Variants in MYO1C observed in about 807,000 individuals in gnomAD.
MYO1C encodes the protein unconventional myosin-Ic.
MYO1C carries 104 observed loss-of-function variants against 150.8 expected under a neutral mutation model. That is an observed-to-expected ratio of 0.69 (90% CI 0.59 to 0.81). The LOEUF (loss-of-function observed/expected upper bound fraction) is 0.81, where lower values mean the gene tolerates loss of function less well. Among genes scored for constraint, MYO1C ranks in the 30% least tolerant of loss-of-function variants. MYO1C has a pLI of 0.00. For missense variants in MYO1C, 1,504 were observed against 1,435.0 expected (o/e 1.05, Z -0.78); for synonymous variants, 663 against 579.9 (o/e 1.14, Z -2.06).
chr17:1,474,779 A>ACCCCCCCCC, intron 16 of MYO1C, 33 bp downstream of exon 16: 49 of 969,012 alleles, frequency 5.1e-5, no homozygotes, highest in Non-Finnish European at 7.6e-5. Flanking sequence ...GGCTATCCCC[A>ACCCCCCCCC]CCCCCACCCC....
At chr17:1,480,144 C>CAAAA (rs34326248) in intron 7 of MYO1C, among the ~76,000 whole-genome samples, 81 of 42,638 alleles carry the variant, frequency 1.9e-3, no homozygotes, top group African/African-American at 5.5e-3. Flanking sequence ...GACTCCATCT[C>CAAAA]AAAAAAAAAA....
At chr17:1,467,949 A>C in intron 28 of MYO1C, 39 bp from the exon 29 acceptor site, 1 of 1,612,776 alleles carries the variant, frequency 6.2e-7, no homozygotes, top group Non-Finnish European at 8.5e-7. Context: ...CGAGGGTCAG[A>C]GCAGGGCCCT....
intron 1 of MYO1C, chr17:1,491,753 C>T (rs1464067210): frequency 1.7e-6 from 1 of 596,440 alleles, no homozygotes; most frequent in African/African-American, 2.0e-5. Flanking sequence ...CCTCCGGCCC[C>T]GCCCCGCCCC....
At chr17:1,476,182 C>CTT (rs562917604) in intron 14 of MYO1C, among the ~76,000 whole-genome samples, 1,455 of 144,160 alleles carry the variant, frequency 0.01, 28 homozygotes, top group African/African-American at 0.034. Flanking sequence ...AGAAACAAGT[C>CTT]TTTTTTTTTT....
Position 1,478,824 on chromosome 17 carries a change from C to T in MYO1C, c.1093-89G>A. On this transcript the variant is annotated intron_variant, in intron 9 of 31. Transcript: ENST00000648651. The surrounding 1 kb of genome is among the most constrained non-coding windows in gnomAD (Gnocchi z 6.3). ...AGGCTCAGGCAGACCAGGAAGCCGC[C>T]ACCACTCTGCACTCCCAGCTCCAGC... The T allele has an allele frequency of 6.3e-7, 1 of 1,578,074 alleles. No homozygotes were observed. The highest frequency in any genetic ancestry group is 8.6e-7 in the Non-Finnish European group (1 of 1,163,804).
chr17:1,481,327 A>G, intron 5 of MYO1C: 1 of 216,894 alleles, frequency 4.6e-6, no homozygotes, highest in Non-Finnish European at 9.4e-6. Flanking sequence ...AACCTTTAAA[A>G]CATCCAGAAT....
chr17:1,484,264 C>T lies in MYO1C; in HGVS notation c.115G>A (p.Ala39Thr), dbSNP rs1402056312. Residue 39 changes from alanine to threonine, a missense_variant, in exon 2 of 32, where the codon GCG becomes ACG. Physicochemically the swap from Ala to Thr is moderately conservative, Grantham distance 58. Transcript: ENST00000648651. ...CCCACCCGGTCACGGGCGGTGAGCG[C>T]ACTCTCCATGGTCACCCGAACCCCG... is the stretch of plus-strand genomic sequence containing the variant. ...SDGVRVTMES[A>T]LTARDRVGVQ... 6.2e-7 allele frequency: 1 copy of T among 1,612,154 alleles called. No homozygotes were observed. Among genetic ancestry groups the T allele is most frequent in the East Asian group, 2.2e-5 (1 of 44,876 alleles).
chr17:1,489,002 C>T (rs919624619), intron 1 of MYO1C, among the ~76,000 whole-genome samples: 1 of 152,184 alleles, frequency 6.6e-6, no homozygotes, highest in African/African-American at 2.4e-5. Context: ...AGCCTAAGGG[C>T]ACACAGATCT....
chr17:1,487,857 G>A (rs1352591138), intron 1 of MYO1C, among the ~76,000 whole-genome samples: 2 of 152,214 alleles, frequency 1.3e-5, no homozygotes, highest in Non-Finnish European at 2.9e-5. Context: ...GGAGACGGAG[G>A]TTGCAGTGAG....
In MYO1C at chr17:1,491,389, C is replaced by G. The variant is rs910932441; in HGVS notation, c.75+1024G>C. 3.3e-5 allele frequency among the ~76,000 whole-genome samples: 5 copies of G among 152,162 alleles called. No homozygotes were observed. In the South Asian group the frequency reaches 1.0e-3, roughly 32 times the overall value. On this transcript the variant is annotated intron_variant, in intron 1 of 31. Coordinates refer to ENST00000648651, the MANE Select transcript of MYO1C (RefSeq NM_001080779.2). ...CCAGGCCGCTCTTCCCCGCCTCCCGCTCCCCGCAGGTAAATCTAAGTCTCC... is the reference window on the plus strand; with the variant it reads ...CCAGGCCGCTCTTCCCCGCCTCCCGGTCCCCGCAGGTAAATCTAAGTCTCC...
At chr17:1,487,324 G>T (rs1483527173) in intron 1 of MYO1C, among the ~76,000 whole-genome samples, 2 of 152,240 alleles carry the variant, frequency 1.3e-5, no homozygotes, top group African/African-American at 4.8e-5. Flanking sequence ...ACACAACGGC[G>T]TACACAGACT....
At chr17:1,480,008 T>C (rs139451624) in intron 7 of MYO1C, among the ~76,000 whole-genome samples, 1,580 of 151,296 alleles carry the variant, frequency 0.01, 33 homozygotes, top group African/African-American at 0.035. Context: ...TAGCCAGGTG[T>C]GGTGGCAGGT....
chr17:1,472,008 C>T lies in MYO1C; in HGVS notation c.1920G>A (p.Val640=). ...DAKQPGRFDE[V]LIRHQVKYLG... ...GGTACTTCACCTGGTGGCGGATCAG[C>T]ACCTCGTCAAAGCGGCCTGGGGTAG... The change falls in exon 19 of 32, where the codon GTG becomes GTA. Residue 640 remains valine (V), a synonymous_variant. Transcript: ENST00000648651. 6.2e-7 allele frequency: 1 copy of T among 1,614,082 alleles called. No individual in the cohort carries two copies.
Position 1,478,268 on chromosome 17 carries a change from C to T in MYO1C, c.1296-76G>A. ...GGAGAGGGGAAAAGCTGGACGACGCCCCTGAGCACAGGAGGTGAGAAACAC... is the reference window on the plus strand; with the variant it reads ...GGAGAGGGGAAAAGCTGGACGACGCTCCTGAGCACAGGAGGTGAGAAACAC... On this transcript the variant is annotated intron_variant, in intron 11 of 31. Transcript: ENST00000648651. This position sits in a 1 kb window ranked among gnomAD's most constrained non-coding sequence, Gnocchi z 6.3. 1 of 1,564,166 alleles carries T rather than the reference C, an allele frequency of 6.4e-7. No homozygotes were observed. Among genetic ancestry groups the T allele is most frequent in the Non-Finnish European group, 8.8e-7 (1 of 1,135,956 alleles).
At chr17:1,492,218 A>G (rs965132483) in intron 1 of MYO1C, among the ~76,000 whole-genome samples, 195 bp downstream of exon 1, 1 of 152,310 alleles carries the variant, frequency 6.6e-6, no homozygotes, top group South Asian at 2.1e-4. Flanking sequence ...CTCCACTTCC[A>G]AAAATCCTGC....
In MYO1C at chr17:1,467,268, T is replaced by C. The variant is rs1296945986; in HGVS notation, c.3139A>G (p.Lys1047Glu). The C allele has an allele frequency of 6.2e-7, 1 of 1,613,418 alleles. No homozygotes were observed. The highest frequency in any genetic ancestry group is 1.7e-5 in the Admixed American group (1 of 59,938). The change falls in exon 31 of 32, where the codon AAG becomes GAG. Residue 1047 changes from lysine (K) to glutamate (E), a missense_variant. By Grantham distance (56) the Lys-to-Glu change is moderately conservative. Transcript: ENST00000648651. ...FTPGSELLIT[K>E]AKNGHLAVVA... ...ACAGCCAGGTGCCCGTTCTTGGCCTTGGTGATGAGCAGCTCCGAGCCGGGT... is the reference window on the plus strand; with the variant it reads ...ACAGCCAGGTGCCCGTTCTTGGCCTCGGTGATGAGCAGCTCCGAGCCGGGT...
chr17:1,484,295 G>A lies in MYO1C; in HGVS notation c.84C>T (p.Gly28=), dbSNP rs530202717. ...CCATGGTCACCCGAACCCCGTCACT[G>A]CCCAGGGCCTGCAGAGAATGGGCCA... ...HPHRPCKLAL[G]SDGVRVTMES... is the part of the protein sequence containing the mutation. Residue 28 remains glycine, a synonymous_variant, in exon 2 of 32, where the codon GGC becomes GGT. Transcript: ENST00000648651. 9 of 1,610,170 alleles carry A rather than the reference G, an allele frequency of 5.6e-6. No individual in the cohort carries two copies. Among genetic ancestry groups the A allele is most frequent in the African/African-American group, 5.3e-5 (4 of 75,070 alleles).
chr17:1,469,465 C>T, intron 25 of MYO1C, 66 bp downstream of exon 25: 3 of 1,150,974 alleles, frequency 2.6e-6, no homozygotes, highest in Non-Finnish European at 3.6e-6. Flanking sequence ...GGCGGACACC[C>T]TTTGAGCAAT....
At position 1,478,695 on chromosome 17, in the gene MYO1C, C is replaced by G. The variant is rs200924144; in HGVS notation, c.1133G>C (p.Arg378Pro). 1 of 1,614,148 alleles carries G rather than the reference C, an allele frequency of 6.2e-7. No homozygotes were observed. Among genetic ancestry groups the G allele is most frequent in the Non-Finnish European group, 8.5e-7 (1 of 1,180,038 alleles). The change falls in exon 10 of 32, where the codon CGA becomes CCA. Residue 378 changes from arginine (R) to proline (P), a missense_variant. Arg to Pro is a moderately radical substitution (Grantham distance 103). Transcript: ENST00000648651. The surrounding 1 kb of genome is among the most constrained non-coding windows in gnomAD (Gnocchi z 6.3). ...PLNLEQAAYA[R>P]DALAKAVYSR... ...GTACACAGCCTTGGCGAGGGCGTCT[C>G]GTGCGTACGCGGCCTGCTCCAGGTT...
Sources: gnomAD v4.1 joint callset for allele counts (sites outside exome capture counted in the v4.1 genomes callset) on GRCh38, gnomAD v4.1.1 for gene constraint, Gnocchi (gnomAD v3.1) non-coding constraint, MANE v1.5 for transcripts, NCBI Gene and HGNC (gene_info 2026-07-23, HGNC 2026-07-21) for gene names.